Variants in FRY observed in about 807,000 individuals in gnomAD.
The protein encoded by FRY is FRY microtubule binding protein, also known as protein furry homolog.
FRY carries 128 observed loss-of-function variants against 348.4 expected under a neutral mutation model. That is an observed-to-expected ratio of 0.37 (90% CI 0.32 to 0.43). FRY has a LOEUF of 0.43. Among genes scored for constraint, FRY ranks in the 20% least tolerant of loss-of-function variants. The pLI is 1.00. For missense variants in FRY, 2,736 were observed against 3,695.2 expected (o/e 0.74, Z 6.73); for synonymous variants, 1,370 against 1,374.7 (o/e 1.00, Z 0.08).
chr13:32,173,555 G>T lies in FRY; in HGVS notation c.2334+6G>T, dbSNP rs766137499. The stretch of plus-strand genomic sequence containing the variant: ...TTGCCCTGGGGCAGCCTGAGGTATG[G>T]ATTAGTCTTCTGAATTTTTCCATTT... On this transcript the variant is annotated splice_donor_region_variant and intron_variant, in intron 19 of 60. Transcript: ENST00000542859. 10 of 1,607,462 alleles carry T rather than the reference G, an allele frequency of 6.2e-6. No individual in the cohort carries two copies. Among genetic ancestry groups the T allele is most frequent in the Middle Eastern group, 3.6e-4 (2 of 5,618 alleles).
intron 28 of FRY, among the ~76,000 whole-genome samples, chr13:32,192,209 TAA>T (rs1323062763): frequency 6.6e-6 from 1 of 152,252 alleles, no homozygotes; most frequent in Non-Finnish European, 1.5e-5. Flanking sequence ...TACCTCAATA[TAA>T]GTTTCTAAAG....
intron 31 of FRY, 78 bp from the exon 32 acceptor site, chr13:32,208,775 G>A (rs1884505584): frequency 6.5e-7 from 1 of 1,535,990 alleles, no homozygotes; most frequent in Non-Finnish European, 9.0e-7. Context: ...TGTTCAGTCT[G>A]CAAGTTGGCA....
chr13:32,213,132 A>C (rs1490036657), intron 35 of FRY, among the ~76,000 whole-genome samples: 1 of 152,216 alleles, frequency 6.6e-6, no homozygotes, highest in Admixed American at 6.5e-5. Flanking sequence ...AAAGGATGAG[A>C]TGCTCATGAA....
At chr13:32,031,973 TTTC>T in intron 1 of FRY, 108 bp downstream of exon 1, 1 of 643,066 alleles carries the variant, frequency 1.6e-6, no homozygotes, top group South Asian at 1.8e-5. Context: ...CGCGGAAGTT[TTTC>T]TTTTTTTCTT....
intron 4 of FRY, among the ~76,000 whole-genome samples, chr13:32,120,173 A>G (rs1450056411): frequency 6.6e-6 from 1 of 152,122 alleles, no homozygotes; most frequent in Admixed American, 6.5e-5. Context: ...AATTATGCTA[A>G]ATACTTTACA....
At chr13:32,155,348 G>T (rs1881046538) in intron 14 of FRY, 143 bp from the exon 15 acceptor site, 1 of 694,702 alleles carries the variant, frequency 1.4e-6, no homozygotes, top group East Asian at 2.7e-5. Flanking sequence ...TCATAAGATT[G>T]CTCTACACTC....
chr13:32,163,835 A>G (rs1250806560), intron 17 of FRY, among the ~76,000 whole-genome samples: 1 of 152,214 alleles, frequency 6.6e-6, no homozygotes, highest in Non-Finnish European at 1.5e-5. Flanking sequence ...CCTGTTTATT[A>G]TAAGTTACAT....
At chr13:32,246,498 C>A (rs980780236) in intron 47 of FRY, among the ~76,000 whole-genome samples, 2 of 152,196 alleles carry the variant, frequency 1.3e-5, no homozygotes, top group Admixed American at 6.5e-5. Context: ...GAGGGCTTGC[C>A]AAGTTTGGGG....
chr13:32,280,277 C>T (rs974966768), intron 58 of FRY, among the ~76,000 whole-genome samples: 1 of 152,156 alleles, frequency 6.6e-6, no homozygotes, highest in African/African-American at 2.4e-5. Context: ...TACATAATGT[C>T]TCCCATAAGC....
intron 48 of FRY, 63 bp from the exon 49 acceptor site, chr13:32,249,463 G>A: frequency 1.3e-6 from 2 of 1,564,066 alleles, no homozygotes; most frequent in Non-Finnish European, 1.7e-6. Context: ...CTTCTGGGGA[G>A]AAGGGTTTCA....
chr13:32,129,905 T>A (rs1166360540), intron 7 of FRY, among the ~76,000 whole-genome samples: 1 of 152,148 alleles, frequency 6.6e-6, no homozygotes, highest in Admixed American at 6.5e-5. Flanking sequence ...CCAGCCCCTG[T>A]ACTGCCTTTG....
chr13:32,114,652 C>A (rs771488672), intron 3 of FRY, among the ~76,000 whole-genome samples: 1 of 152,072 alleles, frequency 6.6e-6, no homozygotes, highest in African/African-American at 2.4e-5. Flanking sequence ...ATTTCGTTAC[C>A]TATGTAATAA....
At position 32,212,377 on chromosome 13, in the gene FRY, T is replaced by G. The variant is rs758740192; in HGVS notation, c.4677T>G (p.Asp1559Glu). 2 of 1,589,504 alleles carry G rather than the reference T, an allele frequency of 1.3e-6. No homozygotes were observed. Among genetic ancestry groups the G allele is most frequent in the Non-Finnish European group, 1.7e-6 (2 of 1,160,144 alleles). ...AEENKILKES[D>E]ERFSNVIRAH... ...AGAACAAGATATTGAAAGAATCTGA[T>G]GAAAGGTTGGTACACAAATTTGACT... The change falls in exon 35 of 61, where the codon GAT becomes GAG. Residue 1559 changes from aspartate (D) to glutamate (E), a missense_variant. Asp to Glu is a conservative substitution (Grantham distance 45). Around this residue, in one of 9 missense-constraint regions of FRY, gnomAD observed 794 missense variants for 977.0 expected, o/e 0.81. Transcript: ENST00000542859.
At chr13:32,262,188 G>A (rs1887684855) in intron 52 of FRY, 126 bp from the exon 53 acceptor site, 1 of 754,296 alleles carries the variant, frequency 1.3e-6, no homozygotes, top group Admixed American at 2.0e-5. Flanking sequence ...TATGTTTAAG[G>A]CCCAATAATG....
At chr13:32,115,655 A>G (rs1878251682) in intron 3 of FRY, among the ~76,000 whole-genome samples, 4 of 151,662 alleles carry the variant, frequency 2.6e-5, no homozygotes, top group African/African-American at 9.7e-5. Flanking sequence ...GTTACTTTAT[A>G]CCTTCATTAC....
At chr13:32,097,601 T>C (rs1876832122) in intron 2 of FRY, among the ~76,000 whole-genome samples, 1 of 151,002 alleles carries the variant, frequency 6.6e-6, no homozygotes, top group South Asian at 2.1e-4. Context: ...CATCAGGTGA[T>C]CTGCCCACCT....
chr13:32,134,371 G>T (rs1331655275), intron 8 of FRY, among the ~76,000 whole-genome samples: 4 of 152,188 alleles, frequency 2.6e-5, no homozygotes, highest in Non-Finnish European at 4.4e-5. Context: ...TTCCTGACTT[G>T]CTTATGAAAC....
chr13:32,254,092 T>C, intron 50 of FRY, 132 bp from the exon 51 acceptor site: 1 of 854,896 alleles, frequency 1.2e-6, no homozygotes, highest in East Asian at 2.4e-5. Flanking sequence ...TAAAAGAACA[T>C]TCTAAAAATA....
chr13:32,146,324 G>GTTTGAT (rs1880449230), intron 11 of FRY, among the ~76,000 whole-genome samples: 1 of 151,960 alleles, frequency 6.6e-6, no homozygotes, highest in Non-Finnish European at 1.5e-5. Flanking sequence ...TGTTGTTGTT[G>GTTTGAT]TTTGTTTTTG....
Sources: gnomAD v4.1 joint callset for allele counts (sites outside exome capture counted in the v4.1 genomes callset) on GRCh38, gnomAD v4.1.1 for gene constraint, gnomAD v4.1.1 regional missense constraint, MANE v1.5 for transcripts, NCBI Gene and HGNC (gene_info 2026-07-23, HGNC 2026-07-21) for gene names.